Variants in FMNL3 observed in about 807,000 individuals in gnomAD.
FMNL3 encodes formin like 3, also known as formin-like protein 3.
In FMNL3, 57 loss-of-function variants were observed where a neutral mutation model predicts 119.6. The ratio of observed to expected loss-of-function variants is 0.48; its 90% CI spans 0.39 to 0.59. The LOEUF (loss-of-function observed/expected upper bound fraction) is 0.59. Among genes scored for constraint, FMNL3 ranks in the 20% least tolerant of loss-of-function variants. FMNL3 has a pLI of 0.00. For synonymous variants in FMNL3, 491 were observed against 507.3 expected, an observed-to-expected ratio of 0.97 and a Z score of 0.43; for missense variants, 1,053 against 1,323.5, an observed-to-expected ratio of 0.80 and a Z score of 3.17.
intron 5 of FMNL3, among the ~76,000 whole-genome samples, chr12:49,660,541 A>C (rs1943702260): frequency 6.6e-6 from 1 of 152,248 alleles, no homozygotes; most frequent in Non-Finnish European, 1.5e-5. Context: ...TGGTTTTAAC[A>C]GGATAACCTG....
intron 1 of FMNL3, among the ~76,000 whole-genome samples, chr12:49,669,187 A>G (rs576828990): frequency 1.3e-3 from 197 of 152,356 alleles, no homozygotes; most frequent in African/African-American, 4.5e-3. Flanking sequence ...TTTTTGGAAA[A>G]GAATTTTTAG....
chr12:49,653,180 G>A lies in FMNL3; in HGVS notation c.1323+46C>T, dbSNP rs377437303. 6.3e-5 allele frequency: 98 copies of A among 1,564,220 alleles called. No homozygotes were observed. In the East Asian group the frequency reaches 1.7e-3, roughly 27 times the overall value. On this transcript the variant is annotated intron_variant, in intron 13 of 25. Coordinates refer to ENST00000335154, the MANE Select transcript of FMNL3 (RefSeq NM_175736.5). Reference sequence around the variant, plus strand: ...AAAAAAAGCAGAACCCCAAGGCGCTGGAGCCCAGGATCAGTCAGGGACTGC... The same window carrying A: ...AAAAAAAGCAGAACCCCAAGGCGCTAGAGCCCAGGATCAGTCAGGGACTGC...
Position 49,637,582 on chromosome 12 carries a change from C to T in FMNL3, c.*8233G>A, listed in dbSNP as rs371206574. 1.4e-5 allele frequency: 22 copies of T among 1,613,116 alleles called. No individual in the cohort carries two copies. Among genetic ancestry groups the T allele is most frequent in the South Asian group, 6.6e-5 (6 of 91,080 alleles). On this transcript the variant is annotated 3_prime_UTR_variant, in exon 26 of 26. Coordinates refer to ENST00000335154, the MANE Select transcript of FMNL3 (RefSeq NM_175736.5). ...CGCTTTGCCAACATGCTGGGCCAGC[C>T]GGGTAAGGCAGCCAGGCTCCCCCTT...
In FMNL3 at chr12:49,636,756, C is replaced by G; in HGVS notation, c.*9059G>C. 6.2e-7 allele frequency: 1 copy of G among 1,614,222 alleles called. No individual in the cohort carries two copies. Among genetic ancestry groups the G allele is most frequent in the Non-Finnish European group, 8.5e-7 (1 of 1,180,038 alleles). ...ATGCACTGATCTGTTTTGAGGAGCA[C>G]ATCCGAGCTTTGGAGAGGGAAGAGG... On this transcript the variant is annotated 3_prime_UTR_variant, in exon 26 of 26. Coordinates refer to ENST00000335154, the MANE Select transcript of FMNL3 (RefSeq NM_175736.5).
chr12:49,648,049 T>C, intron 22 of FMNL3, 144 bp downstream of exon 22: 1 of 1,076,324 alleles, frequency 9.3e-7, no homozygotes, highest in Non-Finnish European at 1.3e-6. Context: ...GGCAGCTGCC[T>C]GGCACTCCCA....
chr12:49,654,198 G>A lies in FMNL3; in HGVS notation c.1065C>T (p.Phe355=). 6.2e-7 allele frequency: 1 copy of A among 1,613,868 alleles called. No individual in the cohort carries two copies. Among genetic ancestry groups the A allele is most frequent in the Non-Finnish European group, 8.5e-7 (1 of 1,179,806 alleles). The change falls in exon 11 of 26, where the codon TTC becomes TTT. Residue 355 remains phenylalanine, a synonymous_variant. Transcript: ENST00000335154. ...AGGACCCCAGCCAGCTCACCTGCAGGAACTCCTCTAGCCCCAGCTTGGTAA... is the reference window on the plus strand; with the variant it reads ...AGGACCCCAGCCAGCTCACCTGCAGAAACTCCTCTAGCCCCAGCTTGGTAA... ...YEFTKLGLEE[F]LQKSRHTESE...
intron 1 of FMNL3, among the ~76,000 whole-genome samples, chr12:49,699,417 T>G (rs1001022770): frequency 6.6e-6 from 1 of 152,196 alleles, no homozygotes; most frequent in Admixed American, 6.5e-5. Flanking sequence ...GACCAGTTCC[T>G]GTTCTCACCA....
At chr12:49,667,280 CGAAAGGTGTGAGAAACAGCT>C (rs1943918120) in intron 2 of FMNL3, among the ~76,000 whole-genome samples, 1 of 151,828 alleles carries the variant, frequency 6.6e-6, no homozygotes, top group Admixed American at 6.6e-5. Flanking sequence ...AAGAAAAAAA[CGAAAGGTGTGAGAAACAGCT>C]GAAATTATCT....
At chr12:49,656,526 C>A in intron 8 of FMNL3, 29 bp from the exon 9 acceptor site, 2 of 1,585,740 alleles carry the variant, frequency 1.3e-6, no homozygotes, top group Admixed American at 1.7e-5. Context: ...AGATTAACAC[C>A]CTAACTCCCC....
At chr12:49,683,854 TG>T (rs2138961725) in intron 1 of FMNL3, among the ~76,000 whole-genome samples, 1 of 152,366 alleles carries the variant, frequency 6.6e-6, no homozygotes, top group Non-Finnish European at 1.5e-5. Context: ...GAGGGTTCTC[TG>T]AACACATCAT....
At chr12:49,656,676 G>A in intron 8 of FMNL3, 147 bp downstream of exon 8, 1 of 913,636 alleles carries the variant, frequency 1.1e-6, no homozygotes, top group Non-Finnish European at 1.7e-6. Flanking sequence ...GGAGAGCCAG[G>A]GACACTTCTC....
chr12:49,686,253 A>G (rs932296376), intron 1 of FMNL3, among the ~76,000 whole-genome samples: 2 of 149,136 alleles, frequency 1.3e-5, no homozygotes, highest in East Asian at 2.2e-4. Context: ...GATTACAGGC[A>G]TGAGCCACTG....
chr12:49,643,480 G>A lies in FMNL3; in HGVS notation c.*2335C>T. On this transcript the variant is annotated 3_prime_UTR_variant, in exon 26 of 26. Transcript: ENST00000335154. ...GCCCTCCACAAGCCCCAGCTCCTTTGAGGGTAGACTGGATTGGGAGGGCTG... is the reference window on the plus strand; with the variant it reads ...GCCCTCCACAAGCCCCAGCTCCTTTAAGGGTAGACTGGATTGGGAGGGCTG... The A allele has an allele frequency of 6.7e-7, 1 of 1,489,782 alleles. No homozygotes were observed. 92.3% of individuals were successfully genotyped at this position (1,489,782 alleles called of 1,614,324 possible). A position where few individuals can be genotyped will look rare whatever the true frequency, so the allele number is the denominator to read the frequency against.
intron 9 of FMNL3, among the ~76,000 whole-genome samples, chr12:49,655,560 CAAG>C (rs564002391): frequency 1.2e-3 from 189 of 152,124 alleles, no homozygotes; most frequent in African/African-American, 4.0e-3. Flanking sequence ...GGGGATAGGC[CAAG>C]AAGAAACATA....
chr12:49,647,579 T>C lies in FMNL3; in HGVS notation c.2778+124A>G, dbSNP rs1943245700. ...ACAGCTAAGAGGCCTGTCACCAGCT[T>C]GCATCGCTCCCTTCCCAGGACTCGG... is the stretch of plus-strand genomic sequence containing the variant. On this transcript the variant is annotated intron_variant, in intron 23 of 25. Transcript: ENST00000335154. This position sits in a 1 kb window ranked among gnomAD's most constrained non-coding sequence, Gnocchi z 4.9. 1 of 962,008 alleles carries C rather than the reference T, an allele frequency of 1.0e-6. No individual in the cohort carries two copies. Among genetic ancestry groups the C allele is most frequent in the Admixed American group, 2.1e-5 (1 of 48,538 alleles). 59.6% of individuals were successfully genotyped at this position (962,008 alleles called of 1,614,324 possible). A position where few individuals can be genotyped will look rare whatever the true frequency, so the allele number is the denominator to read the frequency against.
At chr12:49,694,677 G>A (rs764724614) in intron 1 of FMNL3, among the ~76,000 whole-genome samples, 13 of 152,268 alleles carry the variant, frequency 8.5e-5, no homozygotes, top group Non-Finnish European at 1.5e-4. Flanking sequence ...TTGGGAGGCC[G>A]AGGCAGGTGG....
Position 49,639,839 on chromosome 12 carries a change from G to A in FMNL3, c.*5976C>T, listed in dbSNP as rs1164647498. On this transcript the variant is annotated 3_prime_UTR_variant, in exon 26 of 26. Coordinates refer to ENST00000335154, the MANE Select transcript of FMNL3 (RefSeq NM_175736.5). The stretch of plus-strand genomic sequence containing the variant: ...ATAAAACAAGAAGAGCAAGGCTGTA[G>A]AAAATAGGAATTCTATTTGGGGAAT... 1 of 152,206 alleles carries A rather than the reference G, an allele frequency of 6.6e-6. No homozygotes were observed. The highest frequency in any genetic ancestry group is 1.5e-5 in the Non-Finnish European group (1 of 68,026). 9.4% of individuals were successfully genotyped at this position (152,206 alleles called of 1,614,324 possible).
chr12:49,644,724 C>T lies in FMNL3; in HGVS notation c.*1091G>A, dbSNP rs144444593. On this transcript the variant is annotated 3_prime_UTR_variant, in exon 26 of 26. Transcript: ENST00000335154. ...GGCTGGGGACTGGACACATGCCCAG[C>T]AGAGGGCACTAGTGTCTCATGGCAG... 82 of 166,002 alleles carry T rather than the reference C, an allele frequency of 4.9e-4. No homozygotes were observed. In the East Asian group the frequency reaches 0.012, roughly 23 times the overall value. The allele number at this position is 166,002 out of a possible 1,614,324, so 10.3% of individuals were successfully genotyped here.
rs1942292412 is a variant in FMNL3, at chr12:49,639,411, G to GGGAGA, written c.*6399_*6403dup. ...TTAGAGGGATGGAAGAGGGTGAGCA[G>GGGAGA]GGAGAAAAGTCAGTAGGCTGTGCAG... On this transcript the variant is annotated 3_prime_UTR_variant, in exon 26 of 26. Transcript: ENST00000335154. 1.3e-5 allele frequency: 2 copies of GGGAGA among 152,470 alleles called. No individual in the cohort carries two copies. Among genetic ancestry groups the GGGAGA allele is most frequent in the South Asian group, 4.1e-4 (2 of 4,826 alleles). 9.4% of individuals were successfully genotyped at this position (152,470 alleles called of 1,614,324 possible).
Sources: allele counts gnomAD v4.1 joint callset (sites outside exome capture counted in the v4.1 genomes callset), GRCh38; gene constraint gnomAD v4.1.1; non-coding constraint Gnocchi (gnomAD v3.1); transcripts MANE v1.5; gene names NCBI Gene and HGNC (gene_info 2026-07-23, HGNC 2026-07-21).